Variants in KLC1 observed in about 807,000 individuals in gnomAD.
KLC1 encodes kinesin 2 60/70kDa.
A neutral mutation model predicts 84.2 loss-of-function variants in KLC1; 30 were observed. The ratio of observed to expected loss-of-function variants is 0.36; its 90% confidence interval spans 0.27 to 0.48. KLC1 has a LOEUF of 0.48. Among genes scored for constraint, KLC1 ranks in the 20% least tolerant of loss-of-function variants. The pLI, the probability that KLC1 is intolerant of heterozygous loss-of-function variation, is 0.99. For missense variants in KLC1, 499 were observed against 805.4 expected (o/e 0.62, Z 4.60); for synonymous variants, 289 against 293.3 (o/e 0.99, Z 0.15).
chr14:103,679,875 A>G, intron 13 of KLC1: 1 of 232,310 alleles, frequency 4.3e-6, no homozygotes, highest in Non-Finnish European at 8.3e-6. Flanking sequence ...TGCTTCTTTA[A>G]CTCACCCATT....
Position 103,645,252 on chromosome 14 carries a change from C to T in KLC1, c.-1-9312C>T, listed in dbSNP as rs367701868. ...CCTCCCAAAGTGCTGGGACTACAGGCGGGAGCCACTGCGCCTGGCCTGGGG... is the reference window on the plus strand; with the variant it reads ...CCTCCCAAAGTGCTGGGACTACAGGTGGGAGCCACTGCGCCTGGCCTGGGG... On this transcript the variant is annotated intron_variant, in intron 1 of 16. Transcript: ENST00000334553. 8.0e-4 allele frequency among the ~76,000 whole-genome samples: 121 copies of T among 151,782 alleles called. 1 individual carries two copies. Among genetic ancestry groups the T allele is most frequent in the African/African-American group, 2.6e-3 (108 of 41,382 alleles).
At chr14:103,635,054 A>C (rs998297466) in intron 1 of KLC1, among the ~76,000 whole-genome samples, 5 of 152,168 alleles carry the variant, frequency 3.3e-5, no homozygotes, top group African/African-American at 1.2e-4. Flanking sequence ...TAATTTTTGG[A>C]GGCAGATGAA....
intron 2 of KLC1, 114 bp downstream of exon 2, chr14:103,654,939 T>TC (rs2078716761): frequency 8.0e-7 from 1 of 1,255,650 alleles, no homozygotes; most frequent in African/African-American, 1.5e-5. Flanking sequence ...GAATAACAGA[T>TC]CCAGGCCGAG....
At chr14:103,661,288 G>A (rs140988774) in intron 3 of KLC1, among the ~76,000 whole-genome samples, 2 of 152,256 alleles carry the variant, frequency 1.3e-5, no homozygotes, top group African/African-American at 4.8e-5. Flanking sequence ...CCAGTTCAGG[G>A]GTACATCCTG....
intron 13 of KLC1, among the ~76,000 whole-genome samples, chr14:103,680,216 G>T (rs1434757098): frequency 1.3e-5 from 2 of 151,744 alleles, no homozygotes; most frequent in Admixed American, 1.3e-4. Context: ...TCCAGTGGTT[G>T]CCAAAGACCA....
chr14:103,697,075 T>C (rs573118772), intron 15 of KLC1: 1 of 985,462 alleles, frequency 1.0e-6, no homozygotes, highest in Non-Finnish European at 1.2e-6. Flanking sequence ...TTCTAATCGC[T>C]GGCATGTCTT....
intron 1 of KLC1, among the ~76,000 whole-genome samples, chr14:103,635,529 G>A (rs747568735): frequency 1.3e-5 from 2 of 152,106 alleles, no homozygotes; most frequent in African/African-American, 4.8e-5. Flanking sequence ...TGAGGAGGGC[G>A]GATCACCTGA....
chr14:103,695,416 A>C (rs866228757), intron 15 of KLC1: 58 of 983,066 alleles, frequency 5.9e-5, no homozygotes, highest in South Asian at 5.7e-4. Flanking sequence ...AACCCCCCCC[A>C]AAAAAAGGGG....
intron 15 of KLC1, chr14:103,698,421 C>A (rs1453024041): frequency 3.1e-6 from 1 of 320,018 alleles, no homozygotes; most frequent in South Asian, 2.8e-5. Flanking sequence ...GCCCAGGGGG[C>A]AGGCCTCAGA....
intron 1 of KLC1, among the ~76,000 whole-genome samples, chr14:103,633,110 C>T (rs960990534): frequency 4.7e-5 from 7 of 149,794 alleles, no homozygotes; most frequent in South Asian, 2.1e-4. Context: ...CAGGCTGGAA[C>T]GCAGTGGCAC....
intron 13 of KLC1, chr14:103,679,839 G>A (rs1385652745): frequency 3.0e-6 from 1 of 335,838 alleles, no homozygotes; most frequent in South Asian, 6.8e-5. Flanking sequence ...TTTTAATATT[G>A]GGATCAGTGT....
chr14:103,634,806 C>T (rs776145836), intron 1 of KLC1, among the ~76,000 whole-genome samples: 23 of 151,978 alleles, frequency 1.5e-4, no homozygotes, highest in Non-Finnish European at 2.6e-4. Context: ...GTCTCGAATT[C>T]CTGGGCTCAA....
intron 1 of KLC1, among the ~76,000 whole-genome samples, chr14:103,646,314 TTC>T (rs1318436081): frequency 3.9e-5 from 6 of 152,136 alleles, no homozygotes; most frequent in African/African-American, 1.4e-4. Flanking sequence ...GAGAACTATT[TTC>T]TGAGACAGTC....
At chr14:103,643,224 G>A (rs1032222661) in intron 1 of KLC1, among the ~76,000 whole-genome samples, 12 of 152,134 alleles carry the variant, frequency 7.9e-5, no homozygotes, top group Non-Finnish European at 4.4e-5. Flanking sequence ...CCAAATAATG[G>A]TAGATTCTTC....
At chr14:103,692,486 C>A in intron 15 of KLC1, 61 bp downstream of exon 15, 1 of 1,420,826 alleles carries the variant, frequency 7.0e-7, no homozygotes, top group Non-Finnish European at 9.6e-7. Flanking sequence ...AGGTCTGCTG[C>A]AGACCCGCAC....
At chr14:103,655,600 G>C (rs2151500517) in intron 2 of KLC1, among the ~76,000 whole-genome samples, 1 of 138,936 alleles carries the variant, frequency 7.2e-6, no homozygotes, top group South Asian at 2.2e-4. Flanking sequence ...CCCGGCCTCT[G>C]AATTTTATTT....
intron 14 of KLC1, among the ~76,000 whole-genome samples, chr14:103,688,631 T>G (rs1335556917): frequency 6.6e-6 from 1 of 152,092 alleles, no homozygotes. Context: ...GGTATCCCTG[T>G]GGGAGTCTCT....
At chr14:103,634,261 G>C (rs2076892606) in intron 1 of KLC1, among the ~76,000 whole-genome samples, 3 of 152,078 alleles carry the variant, frequency 2.0e-5, no homozygotes, top group Non-Finnish European at 2.9e-5. Flanking sequence ...TTTGTCTCTT[G>C]TATTCAGTGT....
At chr14:103,695,654 G>A in intron 15 of KLC1, 1 of 985,464 alleles carries the variant, frequency 1.0e-6, no homozygotes, top group Non-Finnish European at 1.2e-6. Context: ...TGAATATGGA[G>A]TTGAATTTTA....
Sources: gnomAD v4.1 joint callset for allele counts (sites outside exome capture counted in the v4.1 genomes callset) on GRCh38, gnomAD v4.1.1 for gene constraint, MANE v1.5 for transcripts, NCBI Gene and HGNC (gene_info 2026-07-23, HGNC 2026-07-21) for gene names.